WDR76: variants seen among roughly 807,000 people sequenced by gnomAD.
The protein encoded by WDR76 is WD repeat-containing protein 76.
Under a neutral mutation model 70.2 loss-of-function variants are expected in WDR76, and 52 were observed. That is an observed-to-expected ratio of 0.74 (90% CI 0.59 to 0.93). The LOEUF (loss-of-function observed/expected upper bound fraction) is 0.93. Ranked by LOEUF, WDR76 falls within the 40% of genes least tolerant of loss-of-function variation. The pLI is 0.00. For missense variants in WDR76, 756 were observed against 760.2 expected, an observed-to-expected ratio of 0.99 and a Z score of 0.07; for synonymous variants, 292 against 271.1, an observed-to-expected ratio of 1.08 and a Z score of -0.76.
intron 5 of WDR76, 129 bp from the exon 6 acceptor site, chr15:43,842,286 T>G: frequency 1.4e-6 from 1 of 705,486 alleles, no homozygotes; most frequent in Non-Finnish European, 2.4e-6. Context: ...TGAATGTCCA[T>G]GATATGCCAC....
At chr15:43,857,273 T>TACAATATTACAAAAG in intron 10 of WDR76, 110 bp downstream of exon 10, 1 of 1,168,976 alleles carries the variant, frequency 8.6e-7, no homozygotes, top group Non-Finnish European at 1.2e-6. Context: ...GTATTACTTT[T>TACAATATTACAAAAG]GTAATACCCA....
In WDR76 at chr15:43,867,562, A is replaced by ATATG. The variant is rs555019593; in HGVS notation, c.*1173_*1174insGTAT. 61 of 149,828 alleles carry ATATG rather than the reference A, an allele frequency of 4.1e-4. 1 individual carries two copies. In the South Asian group the frequency reaches 0.013, roughly 31 times the overall value. 9.3% of individuals were successfully genotyped at this position (149,828 alleles called of 1,614,324 possible). A position where few individuals can be genotyped will look rare whatever the true frequency, so the allele number is the denominator to read the frequency against. ...TTATGTGTATTCTGATGTAAAATAT[A>ATATG]TATATATATATATTTTATTACTATA... On this transcript the variant is annotated 3_prime_UTR_variant, in exon 13 of 13. Transcript: ENST00000263795.
intron 8 of WDR76, among the ~76,000 whole-genome samples, chr15:43,844,356 G>A (rs886154131): frequency 2.6e-5 from 4 of 152,162 alleles, no homozygotes; most frequent in African/African-American, 7.2e-5. Context: ...GGTGGGTCAC[G>A]CCTGTAATGC....
intron 12 of WDR76, chr15:43,864,022 C>A (rs1300903811): frequency 6.6e-6 from 1 of 152,182 alleles, no homozygotes; most frequent in African/African-American, 2.4e-5. Context: ...TTTTAATATT[C>A]CCCATATGAG....
intron 8 of WDR76, 72 bp from the exon 9 acceptor site, chr15:43,851,013 CAT>C: frequency 6.4e-7 from 1 of 1,553,530 alleles, no homozygotes; most frequent in Non-Finnish European, 8.8e-7. Context: ...TCTTTAATGA[CAT>C]AATAGCATAG....
intron 4 of WDR76, 99 bp from the exon 5 acceptor site, chr15:43,839,506 A>G (rs963084999): frequency 8.0e-7 from 1 of 1,253,996 alleles, no homozygotes; most frequent in East Asian, 2.5e-5. Context: ...GTTTATAAAT[A>G]TATCTGTGGT....
chr15:43,858,864 A>G (rs1197516175), intron 11 of WDR76, 41 bp downstream of exon 11: 5 of 1,596,798 alleles, frequency 3.1e-6, no homozygotes, highest in Admixed American at 3.6e-5. Context: ...GAATCTAAAG[A>G]GTCTATAGCT....
chr15:43,859,263 T>C (rs2087968101), intron 11 of WDR76, among the ~76,000 whole-genome samples: 1 of 152,162 alleles, frequency 6.6e-6, no homozygotes, highest in Admixed American at 6.6e-5. Context: ...TGGATATGGT[T>C]TTATAGTTCT....
chr15:43,843,795 C>T, intron 7 of WDR76, 106 bp from the exon 8 acceptor site: 8 of 1,004,464 alleles, frequency 8.0e-6, no homozygotes, highest in South Asian at 4.1e-5. Flanking sequence ...TGAATAGTTC[C>T]CATATTTATT....
intron 11 of WDR76, among the ~76,000 whole-genome samples, chr15:43,860,836 T>C (rs543517020): frequency 3.2e-4 from 49 of 151,816 alleles, no homozygotes; most frequent in African/African-American, 1.1e-3. Context: ...CTATAAGCAC[T>C]GACTTATTTT....
chr15:43,863,334 CAT>C (rs2088027347), intron 12 of WDR76, among the ~76,000 whole-genome samples: 1 of 152,050 alleles, frequency 6.6e-6, no homozygotes. Flanking sequence ...AGCTAATTAA[CAT>C]ATGTATTACC....
intron 8 of WDR76, among the ~76,000 whole-genome samples, chr15:43,850,267 T>TTTTTATTTTATTTTATTTTATTTTA (rs71421806): frequency 7.4e-5 from 11 of 148,398 alleles, no homozygotes; most frequent in African/African-American, 2.5e-4. Flanking sequence ...TGGTGTTATT[T>TTTTTATTTTATTTTATTTTATTTTA]TTTTATTTTA....
intron 10 of WDR76, among the ~76,000 whole-genome samples, 165 bp downstream of exon 10, chr15:43,857,328 AT>A (rs1168397176): frequency 6.6e-6 from 1 of 151,948 alleles, no homozygotes; most frequent in African/African-American, 2.4e-5. Flanking sequence ...GACTTGAGTG[AT>A]TTTTTTTGAA....
chr15:43,837,591 A>G (rs542250391), intron 4 of WDR76, among the ~76,000 whole-genome samples: 1 of 152,302 alleles, frequency 6.6e-6, no homozygotes, highest in East Asian at 1.9e-4. Flanking sequence ...AGTCACTTAC[A>G]GCTATGACAG....
rs1311019764 is a variant in WDR76, at chr15:43,857,175, A to G, written c.1409+12A>G. ...ACTGCCGGATTGAGGTATGGTCTTT[A>G]TAAGACTTTATGACTTAGACCTTTT... On this transcript the variant is annotated intron_variant, in intron 10 of 12. Transcript: ENST00000263795. The G allele has an allele frequency of 6.2e-7, 1 of 1,601,054 alleles. No individual in the cohort carries two copies. Among genetic ancestry groups the G allele is most frequent in the African/African-American group, 1.3e-5 (1 of 74,424 alleles).
intron 3 of WDR76, among the ~76,000 whole-genome samples, chr15:43,835,794 G>A (rs1430601291): frequency 6.6e-6 from 1 of 151,814 alleles, no homozygotes; most frequent in Non-Finnish European, 1.5e-5. Flanking sequence ...AAGTAGCTGG[G>A]ATTACAGGCG....
chr15:43,858,974 C>T, intron 11 of WDR76, 151 bp downstream of exon 11: 1 of 1,066,194 alleles, frequency 9.4e-7, no homozygotes, highest in South Asian at 1.8e-5. Context: ...AGACTGGTGA[C>T]CTGTATTTAA....
Position 43,852,944 on chromosome 15 carries a change from A to G in WDR76, c.1191+1699A>G, listed in dbSNP as rs187271205. On this transcript the variant is annotated intron_variant, in intron 9 of 12. Transcript: ENST00000263795. ...GCTCTTGTTGCCCAGGCTGCAGTGC[A>G]GCAGTGCAATCTTGGCTCACTGCAA... is the stretch of plus-strand genomic sequence containing the variant. 1.3e-3 allele frequency among the ~76,000 whole-genome samples: 200 copies of G among 152,276 alleles called. 1 individual carries two copies. Among genetic ancestry groups the G allele is most frequent in the Non-Finnish European group, 2.1e-3 (142 of 68,022 alleles).
In WDR76 at chr15:43,832,743, G is replaced by GTTTTTTTTTTTTTTT. The variant is rs201304087; in HGVS notation, c.463-2305_463-2291dup. On this transcript the variant is annotated intron_variant, in intron 2 of 12. Coordinates refer to ENST00000263795, the MANE Select transcript of WDR76 (RefSeq NM_024908.4). ...TGAGCCATTGCACCCGGCTTGCTTT[G>GTTTTTTTTTTTTTTT]TTTTTTTTTTTTTTTTTTTTTTTTT... is the stretch of plus-strand genomic sequence containing the variant. Among the ~76,000 whole-genome samples the GTTTTTTTTTTTTTTT allele has an allele frequency of 4.4e-5, 3 of 68,114 alleles. 1 individual carries two copies. The highest frequency in any genetic ancestry group is 5.2e-4 in the East Asian group (1 of 1,912). 44.7% of individuals were successfully genotyped at this position (68,114 alleles called of 152,430 possible).
Sources: gnomAD v4.1 joint callset for allele counts (sites outside exome capture counted in the v4.1 genomes callset) on GRCh38, gnomAD v4.1.1 for gene constraint, MANE v1.5 for transcripts, NCBI Gene and HGNC (gene_info 2026-07-23, HGNC 2026-07-21) for gene names.